Variants in COMMD1 observed in about 807,000 individuals in gnomAD.
The protein encoded by COMMD1 is COMM domain-containing protein 1.
Under a neutral mutation model 17.2 loss-of-function variants are expected in COMMD1, and 10 were observed. That is an observed-to-expected ratio of 0.58 (90% CI 0.36 to 0.99). The LOEUF is 0.99. Among genes scored for constraint, COMMD1 ranks in the 50% least tolerant of loss-of-function variants. COMMD1 has a pLI of 0.01. For missense variants in COMMD1, 270 were observed against 231.8 expected (o/e 1.17, Z -1.07); for synonymous variants, 97 against 91.6 (o/e 1.06, Z -0.34).
chr2:62,008,699 A>T (rs1024820036), intron 2 of COMMD1, among the ~76,000 whole-genome samples: 1 of 152,244 alleles, frequency 6.6e-6, no homozygotes, highest in African/African-American at 2.4e-5. Flanking sequence ...AAGATATTCA[A>T]CTATCATTTG....
intron 1 of COMMD1, among the ~76,000 whole-genome samples, chr2:61,989,300 C>G (rs1310370812): frequency 6.6e-6 from 1 of 152,066 alleles, no homozygotes; most frequent in Non-Finnish European, 1.5e-5. Context: ...TGTAATTTAT[C>G]TTAGGGTTCA....
At chr2:62,132,183 G>A (rs538269678) in intron 2 of COMMD1, among the ~76,000 whole-genome samples, 14 of 152,250 alleles carry the variant, frequency 9.2e-5, no homozygotes, top group South Asian at 2.1e-4. Flanking sequence ...CACCACACCC[G>A]GCCTGGACTT....
chr2:61,985,070 A>G (rs1406848593), intron 1 of COMMD1, among the ~76,000 whole-genome samples: 2 of 134,954 alleles, frequency 1.5e-5, no homozygotes, highest in Non-Finnish European at 3.1e-5. Flanking sequence ...ATTTTTTTTG[A>G]GACGGAGTCT....
chr2:62,061,953 A>C (rs892449431), intron 2 of COMMD1, among the ~76,000 whole-genome samples: 10 of 151,212 alleles, frequency 6.6e-5, no homozygotes, highest in Non-Finnish European at 1.0e-4. Flanking sequence ...ACCCAAGGGA[A>C]GAAGTGAAAT....
intron 2 of COMMD1, among the ~76,000 whole-genome samples, chr2:62,089,817 C>T (rs1671771941): frequency 6.6e-6 from 1 of 152,028 alleles, no homozygotes; most frequent in Admixed American, 6.6e-5. Context: ...CCTCGGTCTC[C>T]CCTCTTGGCC....
At chr2:62,065,629 A>G (rs1297543875) in intron 2 of COMMD1, among the ~76,000 whole-genome samples, 1 of 151,960 alleles carries the variant, frequency 6.6e-6, no homozygotes, top group Non-Finnish European at 1.5e-5. Flanking sequence ...CCTTATATAT[A>G]CTTACTTTAA....
At chr2:62,036,145 A>G (rs1670034343) in intron 2 of COMMD1, among the ~76,000 whole-genome samples, 1 of 152,138 alleles carries the variant, frequency 6.6e-6, no homozygotes, top group Non-Finnish European at 1.5e-5. Flanking sequence ...TTCTTGAGAC[A>G]ACAATGCTAA....
intron 2 of COMMD1, among the ~76,000 whole-genome samples, chr2:62,066,143 G>A: frequency 6.6e-6 from 1 of 152,122 alleles, no homozygotes; most frequent in Admixed American, 6.6e-5. Context: ...AGATAAAATT[G>A]GAGAGAGGAC....
At chr2:61,910,039 G>C (rs1437577636) in intron 1 of COMMD1, among the ~76,000 whole-genome samples, 1 of 152,090 alleles carries the variant, frequency 6.6e-6, no homozygotes, top group African/African-American at 2.4e-5. Context: ...CTCTAGCTTT[G>C]CCTGTTAATC....
intron 2 of COMMD1, among the ~76,000 whole-genome samples, chr2:62,042,556 C>T (rs1010241125): frequency 3.3e-5 from 5 of 152,170 alleles, no homozygotes; most frequent in Admixed American, 2.0e-4. Flanking sequence ...CGTGCCCACC[C>T]GGAACCCGCG....
rs543625604 is a variant in COMMD1, at chr2:61,934,669, G to A, written c.180+28811G>A. On this transcript the variant is annotated intron_variant, in intron 1 of 2. Coordinates refer to ENST00000311832, the MANE Select transcript of COMMD1 (RefSeq NM_152516.4). The stretch of plus-strand genomic sequence containing the variant: ...AACAAAACAGATTTCAATTAAGAAA[G>A]GGATGTGAAATTGAGAGGCAAACAA... Among the ~76,000 whole-genome samples, 30 of 152,320 alleles carry A rather than the reference G, an allele frequency of 2.0e-4. 1 individual carries two copies. Among genetic ancestry groups the A allele is most frequent in the African/African-American group, 7.2e-4 (30 of 41,574 alleles).
chr2:62,097,877 G>A (rs973903246), intron 2 of COMMD1, among the ~76,000 whole-genome samples: 1 of 152,164 alleles, frequency 6.6e-6, no homozygotes, highest in African/African-American at 2.4e-5. Context: ...GTTAGAAGTA[G>A]GGGGGAAACC....
intron 1 of COMMD1, among the ~76,000 whole-genome samples, chr2:61,946,672 T>TG (rs1384153065): frequency 6.6e-6 from 1 of 152,204 alleles, no homozygotes; most frequent in Non-Finnish European, 1.5e-5. Flanking sequence ...ATCAGTACAC[T>TG]ATTGATATTA....
chr2:61,932,725 C>T (rs184255602), intron 1 of COMMD1, among the ~76,000 whole-genome samples: 14 of 152,236 alleles, frequency 9.2e-5, no homozygotes, highest in African/African-American at 2.6e-4. Context: ...ACTTGGCTGC[C>T]GTGTGCCCAA....
chr2:61,979,274 C>T (rs901421171), intron 1 of COMMD1, among the ~76,000 whole-genome samples: 4 of 151,956 alleles, frequency 2.6e-5, no homozygotes, highest in Non-Finnish European at 5.9e-5. Context: ...GTCAGGGGTT[C>T]GAGATCAGCC....
intron 2 of COMMD1, among the ~76,000 whole-genome samples, chr2:62,057,453 A>C (rs1281707152): frequency 6.6e-6 from 1 of 152,262 alleles, no homozygotes; most frequent in East Asian, 1.9e-4. Context: ...TTGATTTGCT[A>C]ATGTTCTATT....
intron 1 of COMMD1, among the ~76,000 whole-genome samples, chr2:61,989,043 C>T (rs552292147): frequency 2.0e-5 from 3 of 152,302 alleles, no homozygotes; most frequent in African/African-American, 7.2e-5. Flanking sequence ...AATTAAAGGG[C>T]CTTTCCTACC....
chr2:61,960,506 T>G (rs955945346), intron 1 of COMMD1, among the ~76,000 whole-genome samples: 1 of 152,236 alleles, frequency 6.6e-6, no homozygotes, highest in African/African-American at 2.4e-5. Context: ...TTTACCAGTT[T>G]GAAATGGGGT....
At position 62,002,439 on chromosome 2, in the gene COMMD1, C is replaced by T. The variant is rs188542808; in HGVS notation, c.462+1457C>T. Among the ~76,000 whole-genome samples, 39 of 114,086 alleles carry T rather than the reference C, an allele frequency of 3.4e-4. No homozygotes were observed. The Admixed American group carries it at 3.8e-3, about 11-fold the overall frequency. 74.8% of individuals were successfully genotyped at this position (114,086 alleles called of 152,430 possible). ...CCGGGAGGTGGAGGTTGCAGTGAGC[C>T]GAGATTGAGCCACTGCACTCCAGCC... On this transcript the variant is annotated intron_variant, in intron 2 of 2. Transcript: ENST00000311832.
Sources: allele counts gnomAD v4.1 joint callset (sites outside exome capture counted in the v4.1 genomes callset), GRCh38; gene constraint gnomAD v4.1.1; transcripts MANE v1.5; gene names NCBI Gene and HGNC (gene_info 2026-07-23, HGNC 2026-07-21).